Variants in NKAIN2 observed in about 807,000 individuals in gnomAD.
The protein encoded by NKAIN2 is sodium/potassium-transporting ATPase subunit beta-1-interacting protein 2.
In NKAIN2, 14 loss-of-function variants were observed where a neutral mutation model predicts 32.6. That is an observed-to-expected ratio of 0.43 (90% CI 0.28 to 0.67). The LOEUF is 0.67. Among genes scored for constraint, NKAIN2 ranks in the 30% least tolerant of loss-of-function variants. The pLI is 0.17. For missense variants in NKAIN2, 198 were observed against 258.3 expected (o/e 0.77, Z 1.60); for synonymous variants, 80 against 87.2 (o/e 0.92, Z 0.46).
intron 3 of NKAIN2, among the ~76,000 whole-genome samples, chr6:124,384,294 T>C (rs1257595953): frequency 6.6e-6 from 1 of 152,146 alleles, no homozygotes; most frequent in Non-Finnish European, 1.5e-5. Flanking sequence ...TCTGAGTTAA[T>C]GAATATATTT....
At chr6:123,843,110 A>C (rs1774943619) in intron 1 of NKAIN2, among the ~76,000 whole-genome samples, 1 of 152,140 alleles carries the variant, frequency 6.6e-6, no homozygotes, top group Non-Finnish European at 1.5e-5. Flanking sequence ...TGTGTGGTAC[A>C]AACAATTCTC....
At position 124,185,304 on chromosome 6, in the gene NKAIN2, C is replaced by T. The variant is rs189229292; in HGVS notation, c.55-97701C>T. 7.3e-4 allele frequency among the ~76,000 whole-genome samples: 111 copies of T among 152,092 alleles called. 1 individual carries two copies. Among genetic ancestry groups the T allele is most frequent in the Middle Eastern group, 3.4e-3 (1 of 294 alleles). On this transcript the variant is annotated intron_variant, in intron 1 of 6. Transcript: ENST00000368417. ...AAACATTTTCAATTTTCACCTAATG[C>T]GGTTTAAAATTATGAGTTCTGATTC...
chr6:123,948,260 T>C (rs1293790915), intron 1 of NKAIN2, among the ~76,000 whole-genome samples: 3 of 152,102 alleles, frequency 2.0e-5, no homozygotes, highest in Non-Finnish European at 4.4e-5. Flanking sequence ...GATAAACTGA[T>C]TTCTTTTCCA....
At chr6:124,583,595 C>A (rs1356852319) in intron 3 of NKAIN2, among the ~76,000 whole-genome samples, 2 of 152,144 alleles carry the variant, frequency 1.3e-5, no homozygotes, top group African/African-American at 4.8e-5. Context: ...CAGTGACATT[C>A]TTCACAGGAA....
rs1443127028 is a variant in NKAIN2, at chr6:124,347,596, C to T, written c.193-7671C>T. On this transcript the variant is annotated intron_variant, in intron 2 of 6. Coordinates refer to ENST00000368417, the MANE Select transcript of NKAIN2 (RefSeq NM_001040214.3). ...TCATTTCATTCATTTCATCTTCCGT[C>T]ACTGATACCCTTTCTTCCAGTTGAT... Among the ~76,000 whole-genome samples the T allele has an allele frequency of 2.1e-4, 32 of 152,286 alleles. No individual in the cohort carries two copies. In the East Asian group the frequency reaches 6.0e-3, roughly 29 times the overall value.
intron 4 of NKAIN2, among the ~76,000 whole-genome samples, chr6:124,706,834 G>C (rs554745096): frequency 6.6e-6 from 1 of 151,868 alleles, no homozygotes; most frequent in South Asian, 2.1e-4. Context: ...TTTATTTATA[G>C]TTGGTTTTAT....
chr6:124,365,196 A>C (rs1422718917), intron 3 of NKAIN2, among the ~76,000 whole-genome samples: 1 of 151,802 alleles, frequency 6.6e-6, no homozygotes, highest in Non-Finnish European at 1.5e-5. Context: ...ATATCAATAA[A>C]TATATTAAAT....
chr6:124,135,532 AAAAAG>A (rs1232313614), intron 1 of NKAIN2, among the ~76,000 whole-genome samples: 27 of 151,408 alleles, frequency 1.8e-4, no homozygotes, highest in East Asian at 5.8e-4. Context: ...AAAAAAAAAA[AAAAAG>A]AAGACATTAT....
intron 1 of NKAIN2, among the ~76,000 whole-genome samples, chr6:124,253,195 G>A (rs934207101): frequency 2.6e-5 from 4 of 152,082 alleles, no homozygotes; most frequent in East Asian, 1.9e-4. Flanking sequence ...AAATTTCAGT[G>A]TGGAAGCCTT....
chr6:124,155,591 A>G (rs1463374932), intron 1 of NKAIN2, among the ~76,000 whole-genome samples: 2 of 151,698 alleles, frequency 1.3e-5, no homozygotes, highest in African/African-American at 4.8e-5. Flanking sequence ...TGTGTAATAT[A>G]TGCTATCTTT....
intron 3 of NKAIN2, among the ~76,000 whole-genome samples, chr6:124,462,375 T>A (rs1776566195): frequency 6.6e-6 from 1 of 151,996 alleles, no homozygotes; most frequent in Non-Finnish European, 1.5e-5. Context: ...CTTACTAATT[T>A]AAATATTAGT....
At chr6:124,153,983 T>C (rs2114408883) in intron 1 of NKAIN2, among the ~76,000 whole-genome samples, 1 of 151,372 alleles carries the variant, frequency 6.6e-6, no homozygotes, top group African/African-American at 2.4e-5. Flanking sequence ...TTCCCTTCCA[T>C]TTCTGATATT....
intron 1 of NKAIN2, among the ~76,000 whole-genome samples, chr6:124,144,270 T>A (rs1051859216): frequency 2.0e-5 from 3 of 152,182 alleles, no homozygotes; most frequent in Non-Finnish European, 2.9e-5. Context: ...GGGTACTTAC[T>A]GTGTAGTGTT....
chr6:123,939,307 G>C (rs563775369), intron 1 of NKAIN2, among the ~76,000 whole-genome samples: 1 of 151,846 alleles, frequency 6.6e-6, no homozygotes, highest in Non-Finnish European at 1.5e-5. Flanking sequence ...CCAAGTGTTA[G>C]TCTGCGCAGG....
intron 1 of NKAIN2, among the ~76,000 whole-genome samples, chr6:123,973,282 CAGTT>C (rs1447639254): frequency 1.3e-5 from 2 of 151,988 alleles, no homozygotes; most frequent in African/African-American, 2.4e-5. Context: ...TTATTATTAA[CAGTT>C]AGAGCAGAGG....
At chr6:124,219,082 G>T (rs558237051) in intron 1 of NKAIN2, among the ~76,000 whole-genome samples, 2 of 152,174 alleles carry the variant, frequency 1.3e-5, no homozygotes, top group South Asian at 2.1e-4. Flanking sequence ...CAACACGTGG[G>T]AATAACAGGT....
At chr6:124,347,163 C>G (rs1338731918) in intron 2 of NKAIN2, among the ~76,000 whole-genome samples, 1 of 152,156 alleles carries the variant, frequency 6.6e-6, no homozygotes, top group African/African-American at 2.4e-5. Flanking sequence ...AATATTGGCC[C>G]CCACTCTCTT....
At chr6:124,114,796 G>T (rs1040930) in intron 1 of NKAIN2, among the ~76,000 whole-genome samples, 9,715 of 152,190 alleles carry the variant, frequency 0.064, 758 homozygotes, top group African/African-American at 0.17. Context: ...GGAGGATTCT[G>T]CTACATTCTT....
chr6:124,284,003 A>C (rs1490635701), intron 2 of NKAIN2, among the ~76,000 whole-genome samples: 1 of 152,078 alleles, frequency 6.6e-6, no homozygotes, highest in Non-Finnish European at 1.5e-5. Flanking sequence ...CGTCCTCATT[A>C]AAGATGCCCC....
Sources: gnomAD v4.1 joint callset for allele counts (sites outside exome capture counted in the v4.1 genomes callset) on GRCh38, gnomAD v4.1.1 for gene constraint, MANE v1.5 for transcripts, NCBI Gene and HGNC (gene_info 2026-07-23, HGNC 2026-07-21) for gene names.